GDF9: variants seen among roughly 807,000 people sequenced by gnomAD.
The protein encoded by GDF9 is growth differentiation factor 9, also known as growth/differentiation factor 9.
In GDF9, 30 loss-of-function variants were observed where a neutral mutation model predicts 33.8. The ratio of observed to expected loss-of-function variants is 0.89; its 90% CI spans 0.66 to 1.20. The LOEUF is 1.20. Ranked by LOEUF, GDF9 falls within the 50% of genes most tolerant of loss-of-function variation. The pLI, the probability that GDF9 is intolerant of heterozygous loss-of-function variation, is 0.00. For synonymous variants in GDF9, 205 were observed against 200.7 expected, an observed-to-expected ratio of 1.02 and a Z score of -0.18; for missense variants, 556 against 543.7, an observed-to-expected ratio of 1.02 and a Z score of -0.22.
rs1182332241 is a variant in GDF9, at chr5:132,865,937, C to T, written c.-1404G>A. On this transcript the variant is annotated 5_prime_UTR_variant, in exon 1 of 2. Coordinates refer to ENST00000687138, the MANE Select transcript of GDF9 (RefSeq NM_005260.7). Reference sequence around the variant, plus strand: ...ATTCCCCCCACCCCACGCAAACCATCTGGGGAGGACGCTGGCTGCTGTCGA... The same window carrying T: ...ATTCCCCCCACCCCACGCAAACCATTTGGGGAGGACGCTGGCTGCTGTCGA... 6.6e-6 allele frequency among the ~76,000 whole-genome samples: 1 copy of T among 152,224 alleles called. No individual in the cohort carries two copies. The highest frequency in any genetic ancestry group is 6.5e-5 in the Admixed American group (1 of 15,288).
rs1169533338 is a variant in GDF9 at position 132,861,512 on chromosome 5, G to A, written c.*77C>T. The stretch of plus-strand genomic sequence containing the variant: ...TACATTTAGAGACTTAATATATGAA[G>A]CTTTCTCTTGAAGGCACACATAGGC... On this transcript the variant is annotated 3_prime_UTR_variant, in exon 2 of 2. Transcript: ENST00000687138. 2.2e-5 allele frequency: 27 copies of A among 1,223,616 alleles called. No individual in the cohort carries two copies. The Admixed American group carries it at 3.7e-4, about 17-fold the overall frequency. 75.8% of individuals were successfully genotyped at this position (1,223,616 alleles called of 1,614,324 possible).
At chr5:132,862,718 C>A (rs1002638736) in intron 1 of GDF9, among the ~76,000 whole-genome samples, 162 bp from the exon 2 acceptor site, 12 of 152,170 alleles carry the variant, frequency 7.9e-5, no homozygotes, top group African/African-American at 2.7e-4. Flanking sequence ...AAAAGGAAGG[C>A]AATTGGTATC....
Position 132,861,689 on chromosome 5 carries a change from G to A in GDF9, c.1265C>T (p.Ala422Val), listed in dbSNP as rs1236033043. The change falls in exon 2 of 2, where the codon GCC becomes GTC. Residue 422 changes from alanine to valine, a missense_variant. Transcript: ENST00000687138. ...SSVPRPSCVPAKYSPLSVLTI... is the reference protein window; with the variant it reads ...SSVPRPSCVPVKYSPLSVLTI... ...CAAAACACTCAAGGGGCTGTATTTG[G>A]CAGGTACACATGACGGTCTTGGCAC... is the stretch of plus-strand genomic sequence containing the variant. The A allele has an allele frequency of 6.2e-7, 1 of 1,611,396 alleles. No homozygotes were observed. Among genetic ancestry groups the A allele is most frequent in the East Asian group, 2.2e-5 (1 of 44,870 alleles).
rs1324105000 is a variant in GDF9 at position 132,865,810 on chromosome 5, AG to A, written c.-1278del. Among the ~76,000 whole-genome samples, 2 of 152,132 alleles carry A rather than the reference AG, an allele frequency of 1.3e-5. No individual in the cohort carries two copies. Among genetic ancestry groups the A allele is most frequent in the East Asian group, 1.9e-4 (1 of 5,178 alleles). On this transcript the variant is annotated 5_prime_UTR_variant, in exon 1 of 2. The change creates a premature stop within an existing upstream ORF in the 5' untranslated region. Coordinates refer to ENST00000687138, the MANE Select transcript of GDF9 (RefSeq NM_005260.7). ...TCAGGGCGAGCTGTACATTGACAACAGCATCGTCAAGCAGAATGCACTTCAG... is the reference window on the plus strand; with the variant it reads ...TCAGGGCGAGCTGTACATTGACAACACATCGTCAAGCAGAATGCACTTCAG...
At position 132,862,004 on chromosome 5, in the gene GDF9, T is replaced by C; in HGVS notation, c.950A>G (p.His317Arg). Residue 317 changes from histidine to arginine, a missense_variant, in exon 2 of 2, where the codon CAC becomes CGC. Physicochemically the swap from His to Arg is conservative, Grantham distance 29 (BLOSUM62 0). Transcript: ENST00000687138. ...AEDGRSSHHR[H>R]RRGQETVSSE... is the part of the protein sequence containing the mutation. ...ACTGACAGTTTCCTGACCTCTGCGGTGACGGTGATGGGAAGATCTCCCATC... is the reference window on the plus strand; with the variant it reads ...ACTGACAGTTTCCTGACCTCTGCGGCGACGGTGATGGGAAGATCTCCCATC... 1 of 1,614,050 alleles carries C rather than the reference T, an allele frequency of 6.2e-7. No homozygotes were observed. The highest frequency in any genetic ancestry group is 8.5e-7 in the Non-Finnish European group (1 of 1,179,892).
intron 1 of GDF9, 58 bp downstream of exon 1, chr5:132,864,079 A>C: frequency 6.5e-7 from 1 of 1,541,100 alleles, no homozygotes; most frequent in South Asian, 1.1e-5. Flanking sequence ...CTGTAATTGA[A>C]ATGCAGAAGT....
chr5:132,862,191 TAAAC>T lies in GDF9; in HGVS notation c.759_762del (p.Phe254ThrfsTer2). The T allele has an allele frequency of 2.5e-6, 4 of 1,614,080 alleles. No individual in the cohort carries two copies. The highest frequency in any genetic ancestry group is 3.4e-6 in the Non-Finnish European group (4 of 1,179,892). Reference sequence around the variant, plus strand: ...AGTGAGGGGGACACCAGAGTCATGTTAAACAAACCATTCTGTGCTGAAGGATGCT... The same window carrying T: ...AGTGAGGGGGACACCAGAGTCATGTTAAACCATTCTGTGCTGAAGGATGCT... On this transcript the variant is annotated frameshift_variant, in exon 2 of 2. Transcript: ENST00000687138. LOFTEE classifies it high-confidence loss of function.
At chr5:132,863,934 CCAT>C (rs937193187) in intron 1 of GDF9, among the ~76,000 whole-genome samples, 200 bp downstream of exon 1, 12 of 152,288 alleles carry the variant, frequency 7.9e-5, no homozygotes, top group African/African-American at 2.4e-4. Context: ...CTTTAAAATT[CCAT>C]CATATTAGCC....
chr5:132,864,388 A>C lies in GDF9; in HGVS notation c.146T>G (p.Leu49Trp). ...ELESGAMPWSLLQHIDERDRA... is the reference protein window; with the variant it reads ...ELESGAMPWSWLQHIDERDRA... ...GTCTCTCTCATCTATATGCTGCAGC[A>C]AGGACCAAGGCATAGCCCCAGATTC... Residue 49 changes from leucine to tryptophan, a missense_variant, in exon 1 of 2, where the codon TTG becomes TGG. Leu to Trp is a moderately conservative substitution (Grantham distance 61). Coordinates refer to ENST00000687138, the MANE Select transcript of GDF9 (RefSeq NM_005260.7). The C allele has an allele frequency of 6.2e-7, 1 of 1,614,070 alleles. No individual in the cohort carries two copies. The highest frequency in any genetic ancestry group is 8.5e-7 in the Non-Finnish European group (1 of 1,179,968).
At chr5:132,862,705 T>C (rs772810677) in intron 1 of GDF9, 149 bp from the exon 2 acceptor site, 90 of 653,404 alleles carry the variant, frequency 1.4e-4, no homozygotes, top group Non-Finnish European at 2.1e-4. Context: ...GGGGTTAATA[T>C]AGAAAAGGAA....
intron 1 of GDF9, 82 bp downstream of exon 1, chr5:132,864,055 G>C: frequency 7.3e-7 from 1 of 1,377,962 alleles, no homozygotes; most frequent in Non-Finnish European, 1.0e-6. Context: ...CAAGGAACTA[G>C]GCTCAGCTCC....
chr5:132,862,507 G>A lies in GDF9; in HGVS notation c.447C>T (p.Thr149=), dbSNP rs254286. ...AGACTGACTTGAGTAAGTGTTCAACGGTAGTAATGCGATCCAGGTTAAATA... is the reference window on the plus strand; with the variant it reads ...AGACTGACTTGAGTAAGTGTTCAACAGTAGTAATGCGATCCAGGTTAAATA... ...ELLFNLDRIT[T]VEHLLKSVLL... Residue 149 remains threonine (T), a synonymous_variant, in exon 2 of 2, where the codon ACC becomes ACT. Transcript: ENST00000687138. 898,848 of 1,609,392 alleles carry A rather than the reference G, an allele frequency of 0.56. 255,682 individuals are homozygous for A. The highest frequency in any genetic ancestry group is 0.63 in the South Asian group (57,420 of 91,020).
Position 132,861,294 on chromosome 5 carries a change from A to C in GDF9, c.*295T>G. 2.8e-6 allele frequency: 1 copy of C among 361,424 alleles called. No individual in the cohort carries two copies. The highest frequency in any genetic ancestry group is 3.0e-5 in the South Asian group (1 of 33,632). 22.4% of individuals were successfully genotyped at this position (361,424 alleles called of 1,614,324 possible). The stretch of plus-strand genomic sequence containing the variant: ...TGCTAATTAAGGTTTTTTCCCTATC[A>C]AGAATAAGACTCCTATGAAAAGAAA... On this transcript the variant is annotated 3_prime_UTR_variant, in exon 2 of 2. Transcript: ENST00000687138.
intron 1 of GDF9, 117 bp downstream of exon 1, chr5:132,864,020 G>T: frequency 1.8e-6 from 2 of 1,131,980 alleles, no homozygotes; most frequent in Non-Finnish European, 2.7e-6. Context: ...TGGATATTGA[G>T]TTTTATGCAA....
upstream of GDF9, chr5:132,866,645 C>T (rs1349858405): frequency 1.7e-6 from 1 of 590,196 alleles, no homozygotes; most frequent in South Asian, 2.0e-5. Context: ...AAATGACGAA[C>T]GAGTCAACCG....
At chr5:132,863,644 T>C (rs1759409984) in intron 1 of GDF9, among the ~76,000 whole-genome samples, 1 of 152,152 alleles carries the variant, frequency 6.6e-6, no homozygotes, top group African/African-American at 2.4e-5. Flanking sequence ...TTCACCATGT[T>C]ATAATTTTTT....
chr5:132,861,481 A>G lies in GDF9; in HGVS notation c.*108T>C, dbSNP rs1581245985. 3.2e-6 allele frequency: 3 copies of G among 935,318 alleles called. No individual in the cohort carries two copies. The highest frequency in any genetic ancestry group is 1.6e-5 in the African/African-American group (1 of 61,884). The allele number at this position is 935,318 out of a possible 1,614,324, so 57.9% of individuals were successfully genotyped here. ...CTACACAGGCTCCTCTTTATATAACATATGCTACATTTAGAGACTTAATAT... is the reference window on the plus strand; with the variant it reads ...CTACACAGGCTCCTCTTTATATAACGTATGCTACATTTAGAGACTTAATAT... On this transcript the variant is annotated 3_prime_UTR_variant, in exon 2 of 2. Transcript: ENST00000687138.
chr5:132,861,396 C>A lies in GDF9; in HGVS notation c.*193G>T. 1 of 578,582 alleles carries A rather than the reference C, an allele frequency of 1.7e-6. No individual in the cohort carries two copies. The allele number at this position is 578,582 out of a possible 1,614,324, so 35.8% of individuals were successfully genotyped here. A position where few individuals can be genotyped will look rare whatever the true frequency, so the allele number is the denominator to read the frequency against. On this transcript the variant is annotated 3_prime_UTR_variant, in exon 2 of 2. Transcript: ENST00000687138. ...ATTTAAATTTGGAAATAAAAAAAGG[C>A]TCTGTAGCAACAATTGATGTTATCC...
Position 132,861,915 on chromosome 5 carries a change from G to C in GDF9, c.1039C>G (p.Leu347Val). The C allele has an allele frequency of 6.2e-7, 1 of 1,613,858 alleles. No homozygotes were observed. Among genetic ancestry groups the C allele is most frequent in the Non-Finnish European group, 8.5e-7 (1 of 1,179,732 alleles). ...AGCTCACACTCATTTTGGGGAAGAAGAAATTGTCTGAAGTATTCACTCAGA... is the reference window on the plus strand; with the variant it reads ...AGCTCACACTCATTTTGGGGAAGAACAAATTGTCTGAAGTATTCACTCAGA... ...FNLSEYFRQF[L>V]LPQNECELHD... The change falls in exon 2 of 2, where the codon CTT (leucine) becomes GTT (valine). Residue 347 changes from leucine to valine, a missense_variant. By Grantham distance (32) the Leu-to-Val change is conservative. Transcript: ENST00000687138.
Sources: gnomAD v4.1 joint callset for allele counts (sites outside exome capture counted in the v4.1 genomes callset) on GRCh38, gnomAD v4.1.1 for gene constraint, MANE v1.5 for transcripts, NCBI Gene and HGNC (gene_info 2026-07-23, HGNC 2026-07-21) for gene names.